Variants in PRR16 observed in about 807,000 individuals in gnomAD.
The protein encoded by PRR16 is proline rich 16, also known as protein Largen.
In PRR16, 6 loss-of-function variants were observed where a neutral mutation model predicts 18.2. That is an observed-to-expected ratio of 0.33 (90% CI 0.18 to 0.65). The LOEUF (loss-of-function observed/expected upper bound fraction) is 0.65. Ranked by LOEUF, PRR16 falls within the 30% of genes least tolerant of loss-of-function variation. The pLI is 0.74. For synonymous variants in PRR16, 151 were observed against 147.8 expected (o/e 1.02, Z -0.16); for missense variants, 412 against 376.6 (o/e 1.09, Z -0.78).
At position 120,616,487 on chromosome 5, in the gene PRR16, T is replaced by G. The variant is rs945960218; in HGVS notation, c.160-69467T>G. 3.9e-5 allele frequency among the ~76,000 whole-genome samples: 6 copies of G among 152,302 alleles called. No individual in the cohort carries two copies. The South Asian group carries it at 1.0e-3, about 26-fold the overall frequency. ...TAGTTCCCATGACCCCAGAGTATGT[T>G]TCCCTGAGGTTGGCTCAGCCCATTC... On this transcript the variant is annotated intron_variant, in intron 1 of 1. Transcript: ENST00000407149.
At chr5:120,641,949 T>C (rs868757664) in intron 1 of PRR16, among the ~76,000 whole-genome samples, 1 of 152,052 alleles carries the variant, frequency 6.6e-6, no homozygotes, top group African/African-American at 2.4e-5. Context: ...AACCTACTGC[T>C]CTTTAGGTAT....
chr5:120,748,040 T>C, the PRR16 span, among the ~76,000 whole-genome samples: 10 of 152,066 alleles, frequency 6.6e-5, no homozygotes, highest in Non-Finnish European at 4.4e-5. Flanking sequence ...AATTTAAAAA[T>C]GTGAATGATC....
intron 1 of PRR16, among the ~76,000 whole-genome samples, chr5:120,547,034 T>C (rs547395115): frequency 2.8e-4 from 43 of 152,148 alleles, no homozygotes; most frequent in African/African-American, 1.0e-3. Context: ...AAGGTAAGTT[T>C]TGAGATGTTG....
At chr5:120,590,403 A>C (rs1239153751) in intron 1 of PRR16, among the ~76,000 whole-genome samples, 2 of 152,150 alleles carry the variant, frequency 1.3e-5, no homozygotes, top group East Asian at 3.8e-4. Flanking sequence ...TTTTTGTGTT[A>C]TCCACAAGTA....
chr5:120,737,767 A>AT, the PRR16 span, among the ~76,000 whole-genome samples: 1 of 151,712 alleles, frequency 6.6e-6, no homozygotes, highest in Non-Finnish European at 1.5e-5. Flanking sequence ...TTGTTTGGAT[A>AT]TTTTAGATTG....
At chr5:120,709,029 A>G in the PRR16 span, among the ~76,000 whole-genome samples, 1 of 102,506 alleles carries the variant, frequency 9.8e-6, no homozygotes, top group Non-Finnish European at 1.7e-5. Context: ...TTTTTTTGAG[A>G]CAGAGTCTTG....
chr5:120,500,685 A>C (rs1215138125), intron 1 of PRR16, among the ~76,000 whole-genome samples: 1 of 152,206 alleles, frequency 6.6e-6, no homozygotes, highest in Non-Finnish European at 1.5e-5. Context: ...CACCACATGG[A>C]AAACTTATTC....
In PRR16 at chr5:120,570,898, TA is replaced by T. The variant is rs763579050; in HGVS notation, c.159+106260del. ...GAAGAATATGAATACAATAAAATTA[TA>T]AAAAAAGTATGAGACAGGAAATAAA... is the stretch of plus-strand genomic sequence containing the variant. On this transcript the variant is annotated intron_variant, in intron 1 of 1. Transcript: ENST00000407149. 7.9e-4 allele frequency among the ~76,000 whole-genome samples: 120 copies of T among 152,072 alleles called. 1 individual carries two copies. The highest frequency in any genetic ancestry group is 2.4e-3 in the African/African-American group (99 of 41,510).
At chr5:120,751,756 A>T in the PRR16 span, among the ~76,000 whole-genome samples, 1 of 151,892 alleles carries the variant, frequency 6.6e-6, no homozygotes, top group East Asian at 1.9e-4. Context: ...AATCATATGG[A>T]AATACTAATC....
chr5:120,729,054 A>C, the PRR16 span, among the ~76,000 whole-genome samples: 1 of 152,060 alleles, frequency 6.6e-6, no homozygotes, highest in Non-Finnish European at 1.5e-5. Flanking sequence ...GGGTTCTGAT[A>C]GCATATTTTT....
At chr5:120,593,460 G>T (rs1230325418) in intron 1 of PRR16, among the ~76,000 whole-genome samples, 1 of 151,726 alleles carries the variant, frequency 6.6e-6, no homozygotes, top group Non-Finnish European at 1.5e-5. Flanking sequence ...GGAGGAAATT[G>T]CTTCCCTGAA....
the PRR16 span, among the ~76,000 whole-genome samples, chr5:120,750,764 A>G: frequency 6.6e-6 from 1 of 152,168 alleles, no homozygotes; most frequent in African/African-American, 2.4e-5. Flanking sequence ...AAATCTGGGT[A>G]ATCGAGATAT....
the PRR16 span, among the ~76,000 whole-genome samples, chr5:120,722,501 C>T: frequency 1.3e-5 from 2 of 152,012 alleles, no homozygotes; most frequent in Admixed American, 6.6e-5. Flanking sequence ...AATGCTCTTA[C>T]AGACATTATA....
intron 1 of PRR16, among the ~76,000 whole-genome samples, chr5:120,608,829 G>C (rs960692639): frequency 3.4e-4 from 51 of 152,024 alleles, no homozygotes; most frequent in Non-Finnish European, 5.9e-5. Context: ...AAATAAGCTG[G>C]GATTAACCTA....
chr5:120,486,351 G>A (rs1450730016), intron 1 of PRR16, among the ~76,000 whole-genome samples: 2 of 150,698 alleles, frequency 1.3e-5, no homozygotes, highest in East Asian at 2.0e-4. Flanking sequence ...TCTAACTGGT[G>A]TCAGATGGTA....
In PRR16 at chr5:120,533,364, A is replaced by T. The variant is rs192141727; in HGVS notation, c.159+68719A>T. Among the ~76,000 whole-genome samples, 694 of 152,330 alleles carry T rather than the reference A, an allele frequency of 4.6e-3. 6 individuals carry two copies. The highest frequency in any genetic ancestry group is 0.015 in the African/African-American group (633 of 41,580). On this transcript the variant is annotated intron_variant, in intron 1 of 1. Coordinates refer to ENST00000407149, the MANE Select transcript of PRR16 (RefSeq NM_001300783.2). The stretch of plus-strand genomic sequence containing the variant: ...CTAGCTCTGTTGGAGCTTAAAATTT[A>T]AAAGGGGAGATGGACATTAAACAAT...
In PRR16 at chr5:120,594,301, A is replaced by G. The variant is rs574306812; in HGVS notation, c.160-91653A>G. 1.9e-3 allele frequency among the ~76,000 whole-genome samples: 292 copies of G among 152,200 alleles called. 1 individual carries two copies. Among genetic ancestry groups the G allele is most frequent in the Admixed American group, 4.1e-3 (63 of 15,256 alleles). ...AACGTCCAAAGTCCGTAGCATTCCTATACAGCAACAACATCCAAGCTGAGA... is the reference window on the plus strand; with the variant it reads ...AACGTCCAAAGTCCGTAGCATTCCTGTACAGCAACAACATCCAAGCTGAGA... On this transcript the variant is annotated intron_variant, in intron 1 of 1. Transcript: ENST00000407149.
intron 1 of PRR16, among the ~76,000 whole-genome samples, chr5:120,556,737 C>CTAT (rs1752425968): frequency 6.6e-6 from 1 of 151,872 alleles, no homozygotes; most frequent in Admixed American, 6.6e-5. Flanking sequence ...GTTGACTAGC[C>CTAT]TATTGCACAT....
rs1222560749 is a variant in PRR16 at position 120,530,275 on chromosome 5, ATATATATATTTATT to A, written c.159+65634_159+65647del. Among the ~76,000 whole-genome samples the A allele has an allele frequency of 6.3e-3, 787 of 125,512 alleles. 19 individuals are homozygous for A. Among genetic ancestry groups the A allele is most frequent in the African/African-American group, 0.025 (730 of 29,388 alleles). The allele number at this position is 125,512 out of a possible 152,430, so 82.3% of individuals were successfully genotyped here. A position where few individuals can be genotyped will look rare whatever the true frequency, so the allele number is the denominator to read the frequency against. ...TGTAAATATATATATATATATATATATATATATATTTATTTATTTATTTATTTATTTATTTATAT... is the reference window on the plus strand; with the variant it reads ...TGTAAATATATATATATATATATATATATTTATTTATTTATTTATTTATAT... On this transcript the variant is annotated intron_variant, in intron 1 of 1. Coordinates refer to ENST00000407149, the MANE Select transcript of PRR16 (RefSeq NM_001300783.2).
Sources: gnomAD v4.1 joint callset for allele counts (sites outside exome capture counted in the v4.1 genomes callset) on GRCh38, gnomAD v4.1.1 for gene constraint, MANE v1.5 for transcripts, NCBI Gene and HGNC (gene_info 2026-07-23, HGNC 2026-07-21) for gene names.